The following MSI2 variants were observed in gnomAD, a reference collection of about 807,000 sequenced individuals.
MSI2 encodes musashi RNA binding protein 2.
Under a neutral mutation model 45.6 loss-of-function variants are expected in MSI2, and 17 were observed. The observed-to-expected ratio is 0.37, with a 90% CI of 0.26 to 0.56. MSI2 has a LOEUF of 0.56. MSI2 is among the 20% of genes least tolerant of loss of function. The probability of loss-of-function intolerance (pLI) is 0.77; values close to 1 mark genes in which losing one functional copy is unlikely to be tolerated. For synonymous variants in MSI2, 156 were observed against 158.2 expected (o/e 0.99, Z 0.11); for missense variants, 293 against 444.2 (o/e 0.66, Z 3.06).
Position 57,502,432 on chromosome 17 carries a change from G to A in MSI2, c.406-27244G>A, listed in dbSNP as rs375326468. Among the ~76,000 whole-genome samples the A allele has an allele frequency of 3.3e-5, 5 of 151,666 alleles. No homozygotes were observed. In the East Asian group the frequency reaches 9.7e-4, roughly 29 times the overall value. On this transcript the variant is annotated intron_variant, in intron 6 of 13. Transcript: ENST00000284073. Reference sequence around the variant, plus strand: ...GTTTCCTCATTGATAACATGGAGACGATGATAATAGTGCATCCTTTGAAGG... The same window carrying A: ...GTTTCCTCATTGATAACATGGAGACAATGATAATAGTGCATCCTTTGAAGG...
At chr17:57,633,531 G>C (rs114423923) in intron 10 of MSI2, among the ~76,000 whole-genome samples, 1 of 152,192 alleles carries the variant, frequency 6.6e-6, no homozygotes, top group Non-Finnish European at 1.5e-5. Flanking sequence ...TCTTACCCTC[G>C]CGCCCACGGG....
intron 5 of MSI2, among the ~76,000 whole-genome samples, chr17:57,324,893 C>G (rs1244899770): frequency 1.3e-5 from 2 of 152,188 alleles, no homozygotes; most frequent in Middle Eastern, 3.2e-3. Flanking sequence ...TGAACTTTGC[C>G]AACCTGCTTG....
chr17:57,319,566 G>T (rs543317161), intron 5 of MSI2, among the ~76,000 whole-genome samples: 22 of 152,250 alleles, frequency 1.4e-4, no homozygotes, highest in African/African-American at 5.3e-4. Flanking sequence ...CTGGTATTGG[G>T]CTTTGAACAC....
intron 6 of MSI2, among the ~76,000 whole-genome samples, chr17:57,467,948 G>C (rs2085358996): frequency 6.7e-6 from 1 of 148,388 alleles, no homozygotes. Flanking sequence ...CCCTGCCAGA[G>C]CCAGATGTGT....
intron 6 of MSI2, among the ~76,000 whole-genome samples, chr17:57,511,103 A>G (rs1247901241): frequency 6.6e-6 from 1 of 152,176 alleles, no homozygotes; most frequent in Non-Finnish European, 1.5e-5. Context: ...ACAGCGATTT[A>G]TGCTTTTCCA....
intron 5 of MSI2, among the ~76,000 whole-genome samples, chr17:57,282,497 T>TG (rs1452620311): frequency 6.6e-6 from 1 of 152,182 alleles, no homozygotes; most frequent in South Asian, 2.1e-4. Context: ...AGTGTGTGTG[T>TG]GGCAGGCTCA....
chr17:57,543,738 C>T (rs2087104152), intron 7 of MSI2, among the ~76,000 whole-genome samples: 2 of 152,186 alleles, frequency 1.3e-5, no homozygotes, highest in Admixed American at 1.3e-4. Flanking sequence ...CTCCCTCCCC[C>T]ATGCTGTCTT....
At chr17:57,542,906 C>G (rs879938186) in intron 7 of MSI2, among the ~76,000 whole-genome samples, 2 of 152,218 alleles carry the variant, frequency 1.3e-5, no homozygotes, top group Non-Finnish European at 2.9e-5. Context: ...TCCTTTGTGG[C>G]ACTTCTCAGT....
intron 5 of MSI2, among the ~76,000 whole-genome samples, chr17:57,306,332 C>T (rs1911889599): frequency 1.3e-5 from 2 of 152,056 alleles, no homozygotes; most frequent in Admixed American, 1.3e-4. Flanking sequence ...GAAAGAGCTT[C>T]CCACTGAGAT....
chr17:57,491,104 G>C (rs1254610693), intron 6 of MSI2, among the ~76,000 whole-genome samples: 1 of 152,222 alleles, frequency 6.6e-6, no homozygotes, highest in Non-Finnish European at 1.5e-5. Flanking sequence ...TGGGATAAAA[G>C]GGCTTATCCT....
Position 57,256,810 on chromosome 17 carries a change from T to C in MSI2, c.62+6T>C. The C allele has an allele frequency of 2.1e-6, 3 of 1,460,372 alleles. No homozygotes were observed. The highest frequency in any genetic ancestry group is 2.7e-6 in the Non-Finnish European group (3 of 1,108,568). 90.5% of individuals were successfully genotyped at this position (1,460,372 alleles called of 1,614,324 possible). ...GACTCCCAGCACGACCCCGGGTAAG[T>C]TTCCAGCCGCTGCCCACCGCGCCGC... is the stretch of plus-strand genomic sequence containing the variant. On this transcript the variant is annotated splice_donor_region_variant and intron_variant, in intron 1 of 13. Coordinates refer to ENST00000284073, the MANE Select transcript of MSI2 (RefSeq NM_138962.4).
chr17:57,406,143 C>T (rs186918899), intron 6 of MSI2, among the ~76,000 whole-genome samples: 4 of 152,252 alleles, frequency 2.6e-5, no homozygotes, highest in Admixed American at 6.5e-5. Flanking sequence ...TCTTAGTGGA[C>T]GTTATCTGTG....
Position 57,257,114 on chromosome 17 carries a change from G to A in MSI2, c.79G>A (p.Gly27Arg). 6.3e-7 allele frequency: 1 copy of A among 1,574,898 alleles called. No individual in the cohort carries two copies. The highest frequency in any genetic ancestry group is 8.6e-7 in the Non-Finnish European group (1 of 1,156,252). Residue 27 changes from glycine (G) to arginine (R), a missense_variant, in exon 2 of 14, where the codon GGA becomes AGA. Transcript: ENST00000284073. ...TCCCTCTAGTAAAATGTTTATCGGT[G>A]GACTGAGCTGGCAGACCTCACCAGG... The part of the protein sequence containing the change: ...QHDPGKMFIG[G>R]LSWQTSPDSL...
At position 57,636,263 on chromosome 17, in the gene MSI2, C is replaced by A. The variant is rs564199622; in HGVS notation, c.727+8960C>A. Among the ~76,000 whole-genome samples the A allele has an allele frequency of 5.5e-4, 83 of 152,174 alleles. 1 individual carries two copies. The highest frequency in any genetic ancestry group is 1.1e-3 in the Non-Finnish European group (73 of 68,038). On this transcript the variant is annotated intron_variant, in intron 10 of 13. Transcript: ENST00000284073. The stretch of plus-strand genomic sequence containing the variant: ...GTTAGCAAGGTGACCGAGAGAGAAG[C>A]CTTGGCCATAGGCAAGGGGCTGCAT...
intron 7 of MSI2, among the ~76,000 whole-genome samples, chr17:57,560,114 G>A (rs906643419): frequency 1.3e-5 from 2 of 152,252 alleles, no homozygotes; most frequent in African/African-American, 2.4e-5. Flanking sequence ...GGAGGAGACT[G>A]TTTAAAATTG....
At chr17:57,662,513 A>T (rs1261768444) in intron 11 of MSI2, among the ~76,000 whole-genome samples, 14 of 152,358 alleles carry the variant, frequency 9.2e-5, no homozygotes, top group African/African-American at 3.1e-4. Flanking sequence ...TTAAAGATTT[A>T]AAAACTGTAG....
intron 10 of MSI2, chr17:57,632,897 A>T: frequency 9.4e-7 from 1 of 1,061,314 alleles, no homozygotes; most frequent in Non-Finnish European, 1.1e-6. Context: ...AAGATGCTTG[A>T]TGTAATAATT....
At chr17:57,443,686 A>G (rs907756259) in intron 6 of MSI2, among the ~76,000 whole-genome samples, 5 of 152,102 alleles carry the variant, frequency 3.3e-5, no homozygotes, top group African/African-American at 1.2e-4. Flanking sequence ...TGCCCGTGTG[A>G]GACAGGCTTG....
At chr17:57,562,160 C>G (rs999879264) in intron 7 of MSI2, among the ~76,000 whole-genome samples, 1 of 152,188 alleles carries the variant, frequency 6.6e-6, no homozygotes, top group Non-Finnish European at 1.5e-5. Context: ...GTTCATCCAT[C>G]CATCCCCATC....
Sources: allele counts gnomAD v4.1 joint callset (sites outside exome capture counted in the v4.1 genomes callset), GRCh38; gene constraint gnomAD v4.1.1; transcripts MANE v1.5; gene names NCBI Gene and HGNC (gene_info 2026-07-23, HGNC 2026-07-21).